The following SOX5 variants were observed in gnomAD, a reference collection of about 807,000 sequenced individuals.
The protein encoded by SOX5 is SRY-box transcription factor 5.
A neutral mutation model predicts 92.0 loss-of-function variants in SOX5; 9 were observed. The observed-to-expected ratio is 0.10, with a 90% confidence interval of 0.06 to 0.17. The LOEUF (loss-of-function observed/expected upper bound fraction) is 0.17. SOX5 is among the 10% of genes least tolerant of loss of function. The pLI, the probability that SOX5 is intolerant of heterozygous loss-of-function variation, is 1.00. For missense variants in SOX5, 642 were observed against 944.5 expected, an observed-to-expected ratio of 0.68 and a Z score of 4.20; for synonymous variants, 344 against 336.3, an observed-to-expected ratio of 1.02 and a Z score of -0.25.
chr12:23,952,420 A>C (rs1457440321), upstream of SOX5, among the ~76,000 whole-genome samples: 1 of 152,224 alleles, frequency 6.6e-6, no homozygotes, highest in African/African-American at 2.4e-5. Context: ...TTTGAGGCCA[A>C]CTATAGTATA....
intron 2 of SOX5, among the ~76,000 whole-genome samples, chr12:23,862,155 A>G (rs1162029988): frequency 2.0e-5 from 3 of 152,188 alleles, no homozygotes; most frequent in Non-Finnish European, 2.9e-5. Flanking sequence ...AAATTCAATT[A>G]TCTAGAGAAG....
intron 2 of SOX5, among the ~76,000 whole-genome samples, chr12:24,341,046 G>GA (rs1161772632): frequency 1.3e-5 from 2 of 152,116 alleles, no homozygotes; most frequent in Non-Finnish European, 2.9e-5. Context: ...TACTAACACA[G>GA]AAAAAAGCCA....
intron 4 of SOX5, among the ~76,000 whole-genome samples, chr12:24,106,347 A>G (rs1946664418): frequency 6.6e-6 from 1 of 152,200 alleles, no homozygotes; most frequent in Admixed American, 6.5e-5. Flanking sequence ...AACAAATGGG[A>G]CTGTGGATAC....
At chr12:23,558,885 G>A (rs1428581151) in intron 11 of SOX5, among the ~76,000 whole-genome samples, 1 of 152,196 alleles carries the variant, frequency 6.6e-6, no homozygotes, top group African/African-American at 2.4e-5. Context: ...TGAGAGGTGT[G>A]AGCCACCGTG....
chr12:24,113,817 G>C (rs10505935), intron 4 of SOX5, among the ~76,000 whole-genome samples: 3 of 152,136 alleles, frequency 2.0e-5, no homozygotes, highest in African/African-American at 4.8e-5. Flanking sequence ...CTTAAGGAAG[G>C]TTCCAGACTT....
intron 3 of SOX5, among the ~76,000 whole-genome samples, chr12:23,843,692 T>C (rs2096544157): frequency 6.7e-6 from 1 of 149,912 alleles, no homozygotes; most frequent in Non-Finnish European, 1.5e-5. Flanking sequence ...GCTGCTCAAG[T>C]AGCTGGGACT....
rs11295934 is a variant in SOX5, at chr12:23,873,305, C to CA, written c.270+22487dup. On this transcript the variant is annotated intron_variant, in intron 2 of 14. Coordinates refer to ENST00000451604, the MANE Select transcript of SOX5 (RefSeq NM_006940.6). ...GGGCAACATGGAGAAACTGTCTCTCCAAAAAAAAAAGCAGAAAATAAACCA... is the reference window on the plus strand; with the variant it reads ...GGGCAACATGGAGAAACTGTCTCTCCAAAAAAAAAAAGCAGAAAATAAACCA... 2.4e-3 allele frequency among the ~76,000 whole-genome samples: 365 copies of CA among 149,340 alleles called. 2 individuals are homozygous for CA. The highest frequency in any genetic ancestry group is 8.2e-3 in the African/African-American group (333 of 40,494).
At chr12:24,320,368 T>C (rs746545847) in intron 2 of SOX5, among the ~76,000 whole-genome samples, 1 of 152,206 alleles carries the variant, frequency 6.6e-6, no homozygotes, top group African/African-American at 2.4e-5. Context: ...CTTGATAACT[T>C]CATCTCACTA....
intron 4 of SOX5, among the ~76,000 whole-genome samples, chr12:24,127,386 A>C (rs1010507646): frequency 7.4e-6 from 1 of 135,856 alleles, no homozygotes; most frequent in Non-Finnish European, 1.6e-5. Context: ...GCTAGACCCT[A>C]TCTCAATAAT....
chr12:24,052,430 A>G lies in SOX5; in HGVS notation c.-1-156406T>C, dbSNP rs1957652207. Among the ~76,000 whole-genome samples the G allele has an allele frequency of 2.6e-5, 4 of 152,322 alleles. No individual in the cohort carries two copies. The East Asian group carries it at 5.8e-4, about 22-fold the overall frequency. On this transcript the variant is annotated intron_variant, in intron 4 of 4. Coordinates refer to the SOX5 transcript ENST00000446891. ...GTTAATTTTAATAATAGTTTTTAATATTAAACTTAGTGAATGTCTTTCTTG... is the reference window on the plus strand; with the variant it reads ...GTTAATTTTAATAATAGTTTTTAATGTTAAACTTAGTGAATGTCTTTCTTG...
At chr12:24,442,948 A>ATTTTT (rs3983413) in intron 1 of SOX5, among the ~76,000 whole-genome samples, 8 of 109,934 alleles carry the variant, frequency 7.3e-5, no homozygotes, top group Admixed American at 2.1e-4. Flanking sequence ...TAAGTTTATA[A>ATTTTT]TTTTTTTTTT....
At chr12:24,475,995 A>T (rs1007468925) in intron 1 of SOX5, among the ~76,000 whole-genome samples, 6 of 94,668 alleles carry the variant, frequency 6.3e-5, no homozygotes, top group Non-Finnish European at 9.7e-5. Flanking sequence ...AATACATTTA[A>T]AAAAAAAAAA....
intron 4 of SOX5, among the ~76,000 whole-genome samples, chr12:23,960,208 T>C (rs1946734880): frequency 6.6e-6 from 1 of 151,914 alleles, no homozygotes; most frequent in Non-Finnish European, 1.5e-5. Context: ...CCACATATGT[T>C]TACACAAGAA....
At chr12:24,246,609 A>G (rs750092392) in intron 3 of SOX5, among the ~76,000 whole-genome samples, 1 of 152,136 alleles carries the variant, frequency 6.6e-6, no homozygotes, top group African/African-American at 2.4e-5. Context: ...CTTAAAGCTT[A>G]AATATTCTTG....
At chr12:23,845,640 A>G (rs987668730) in intron 3 of SOX5, among the ~76,000 whole-genome samples, 1 of 125,454 alleles carries the variant, frequency 8.0e-6, no homozygotes, top group Non-Finnish European at 1.6e-5. Context: ...ATTAATCCTC[A>G]AGGGAAAAAA....
intron 4 of SOX5, among the ~76,000 whole-genome samples, chr12:24,058,123 T>C (rs1025834015): frequency 2.0e-5 from 3 of 152,200 alleles, no homozygotes; most frequent in African/African-American, 7.2e-5. Flanking sequence ...TGTAAAAGGG[T>C]TAATGACAGA....
chr12:23,643,457 T>G (rs1025395800), intron 7 of SOX5, among the ~76,000 whole-genome samples: 3 of 152,218 alleles, frequency 2.0e-5, no homozygotes, highest in African/African-American at 7.2e-5. Flanking sequence ...GTTAAAATTT[T>G]AGGGGAAAAG....
At chr12:24,226,689 T>G (rs1207035429) in intron 3 of SOX5, among the ~76,000 whole-genome samples, 1 of 152,150 alleles carries the variant, frequency 6.6e-6, no homozygotes, top group Non-Finnish European at 1.5e-5. Flanking sequence ...CAGGCTGGTC[T>G]TCAACTCCTG....
intron 4 of SOX5, among the ~76,000 whole-genome samples, chr12:23,961,615 A>T (rs1461738457): frequency 1.3e-5 from 2 of 152,142 alleles, no homozygotes; most frequent in Non-Finnish European, 2.9e-5. Flanking sequence ...TCTTATCCTA[A>T]TCCATCACCT....
Sources: gnomAD v4.1 joint callset for allele counts (sites outside exome capture counted in the v4.1 genomes callset) on GRCh38, gnomAD v4.1.1 for gene constraint, MANE v1.5 for transcripts, NCBI Gene and HGNC (gene_info 2026-07-23, HGNC 2026-07-21) for gene names.